The following SLC25A53 variants were observed in gnomAD, a reference collection of about 807,000 sequenced individuals.
SLC25A53 encodes mitochondrial carrier triple repeat protein 6.
In SLC25A53, 5 loss-of-function variants were observed where a neutral mutation model predicts 15.0. The ratio of observed to expected loss-of-function variants is 0.33; its 90% CI spans 0.17 to 0.70. The LOEUF (loss-of-function observed/expected upper bound fraction) is 0.70. Among genes scored for constraint, SLC25A53 ranks in the 30% least tolerant of loss-of-function variants. The pLI, the probability that SLC25A53 is intolerant of heterozygous loss-of-function variation, is 0.67. For synonymous variants in SLC25A53, 95 were observed against 100.0 expected, an observed-to-expected ratio of 0.95 and a Z score of 0.30; for missense variants, 216 against 241.6, an observed-to-expected ratio of 0.89 and a Z score of 0.70.
chrX:104,129,651 C>T (rs2075420074), intron 1 of SLC25A53, among the ~76,000 whole-genome samples: 1 of 110,187 alleles, frequency 9.1e-6, no homozygotes, highest in Admixed American at 9.8e-5. Flanking sequence ...CTATTGAAAG[C>T]ACTGCAAGTA....
At position 104,113,765 on chromosome X, in the gene SLC25A53, G is replaced by T. The variant is rs2075361507; in HGVS notation, c.-31-8477C>A. On this transcript the variant is annotated intron_variant, in intron 1 of 1. Coordinates refer to ENST00000594199, the MANE Select transcript of SLC25A53 (RefSeq NM_001012755.5). Reference sequence around the variant, plus strand: ...GAAGCAACAGTTGTCGCCCCTCCTGGAGTACAGGCAGGAGGGGATGGATGT... The same window carrying T: ...GAAGCAACAGTTGTCGCCCCTCCTGTAGTACAGGCAGGAGGGGATGGATGT... The T allele has an allele frequency of 3.0e-5, 6 of 199,967 alleles. No homozygotes were observed. In the South Asian group the frequency reaches 6.8e-4, roughly 23 times the overall value. 16.5% of individuals were successfully genotyped at this position (199,967 alleles called of 1,213,427 possible). A position where few individuals can be genotyped will look rare whatever the true frequency, so the allele number is the denominator to read the frequency against.
chrX:104,114,659 A>C lies in SLC25A53; in HGVS notation c.-31-9371T>G, dbSNP rs374508605. 11 of 1,210,471 alleles carry C rather than the reference A, an allele frequency of 9.1e-6. No homozygotes were observed. In the African/African-American group the frequency reaches 1.6e-4, roughly 17 times the overall value. ...TTGCAACAGCTTCTTTTAGGCGCTG[A>C]GCTGAATAGGGACCTGCGCTTCAGG... On this transcript the variant is annotated intron_variant, in intron 1 of 1. Coordinates refer to ENST00000594199, the MANE Select transcript of SLC25A53 (RefSeq NM_001012755.5).
At chrX:104,148,639 C>T (rs2075476181) in intron 1 of SLC25A53, among the ~76,000 whole-genome samples, 1 of 109,688 alleles carries the variant, frequency 9.1e-6, no homozygotes, top group Non-Finnish European at 1.9e-5. Context: ...ACATTGAGAA[C>T]ACTTGGACAC....
At chrX:104,134,951 T>C (rs2075433138) in intron 1 of SLC25A53, among the ~76,000 whole-genome samples, 1 of 111,076 alleles carries the variant, frequency 9.0e-6, no homozygotes, top group Non-Finnish European at 1.9e-5. Context: ...CCGAATGGAC[T>C]TTCTGGGCTC....
At chrX:104,151,907 GA>G (rs1161191109) in intron 1 of SLC25A53, among the ~76,000 whole-genome samples, 2 of 112,095 alleles carry the variant, frequency 1.8e-5, no homozygotes, top group Non-Finnish European at 3.8e-5. Flanking sequence ...GATTTAGACA[GA>G]TGAGGACTAC....
Position 104,104,476 on chromosome X carries a change from G to A in SLC25A53, c.782C>T (p.Thr261Ile). ...LWASAQDVWN[T>I]RGRKLLLIYR... ...GATCAGGAGCAGCTTTCGGCCCCGA[G>A]TGTTCCATACATCCTGGGCAGAGGC... is the stretch of plus-strand genomic sequence containing the variant. The change falls in exon 2 of 2, where the codon ACT becomes ATT. Residue 261 changes from threonine to isoleucine, a missense_variant. Coordinates refer to ENST00000594199, the MANE Select transcript of SLC25A53 (RefSeq NM_001012755.5). 8.2e-7 allele frequency: 1 copy of A among 1,212,141 alleles called. No individual in the cohort carries two copies. The highest frequency in any genetic ancestry group is 1.8e-5 in the South Asian group (1 of 57,023).
At chrX:104,111,093 G>A (rs141811592) in intron 1 of SLC25A53, among the ~76,000 whole-genome samples, 260 of 112,339 alleles carry the variant, frequency 2.3e-3, no homozygotes, top group East Asian at 0.018. Flanking sequence ...TACACTGATG[G>A]CAGGCCCATT....
At chrX:104,110,430 T>G (rs782217315) in intron 1 of SLC25A53, among the ~76,000 whole-genome samples, 3 of 111,567 alleles carry the variant, frequency 2.7e-5, no homozygotes, top group African/African-American at 9.8e-5. Flanking sequence ...CTCCAAATTT[T>G]TATTGTTTAC....
intron 1 of SLC25A53, among the ~76,000 whole-genome samples, chrX:104,152,892 T>C (rs1206787318): frequency 8.9e-6 from 1 of 111,981 alleles, no homozygotes; most frequent in Non-Finnish European, 1.9e-5. Flanking sequence ...TCATTTATTT[T>C]GTTTTGTAAC....
At chrX:104,133,325 A>G (rs1162479770) in intron 1 of SLC25A53, among the ~76,000 whole-genome samples, 2 of 111,750 alleles carry the variant, frequency 1.8e-5, no homozygotes, top group Admixed American at 1.9e-4. Flanking sequence ...CAGCTATTAT[A>G]ATGATTCCCA....
chrX:104,140,123 T>A (rs1163921062), intron 1 of SLC25A53, among the ~76,000 whole-genome samples: 1 of 111,097 alleles, frequency 9.0e-6, no homozygotes, highest in Non-Finnish European at 1.9e-5. Context: ...CTCCCCTCCT[T>A]ATTTATTTAT....
At position 104,115,096 on chromosome X, in the gene SLC25A53, T is replaced by C. The variant is rs781818929; in HGVS notation, c.-31-9808A>G. 36 of 1,198,716 alleles carry C rather than the reference T, an allele frequency of 3.0e-5. No individual in the cohort carries two copies. Among genetic ancestry groups the C allele is most frequent in the Non-Finnish European group, 3.9e-5 (35 of 889,279 alleles). ...TCTTTCTACCAGTGGTGGTTCTGGGTATAAGAATGATGGTCCTGGGAATAT... is the reference window on the plus strand; with the variant it reads ...TCTTTCTACCAGTGGTGGTTCTGGGCATAAGAATGATGGTCCTGGGAATAT... On this transcript the variant is annotated intron_variant, in intron 1 of 1. Transcript: ENST00000594199.
chrX:104,105,267 A>G lies in SLC25A53; in HGVS notation c.-10T>C, dbSNP rs1556355604. 1 of 1,184,958 alleles carries G rather than the reference A, an allele frequency of 8.4e-7. No homozygotes were observed. The highest frequency in any genetic ancestry group is 3.0e-5 in the East Asian group (1 of 33,618). ...GGTTCTGCTCCCCCATGCTGAAGAC[A>G]ACTGGGTGCAGATGGAAGAAACTGG... On this transcript the variant is annotated 5_prime_UTR_variant, in exon 2 of 2. Coordinates refer to ENST00000594199, the MANE Select transcript of SLC25A53 (RefSeq NM_001012755.5).
At chrX:104,122,065 C>T (rs2075396186) in intron 1 of SLC25A53, among the ~76,000 whole-genome samples, 1 of 102,953 alleles carries the variant, frequency 9.7e-6, no homozygotes, top group African/African-American at 3.6e-5. Context: ...AACCATCATC[C>T]CTGGCCTGAT....
At position 104,142,388 on chromosome X, in the gene SLC25A53, A is replaced by G. The variant is rs2075453137; in HGVS notation, c.-32+14490T>C. The stretch of plus-strand genomic sequence containing the variant: ...CTCTGATAACTAAGTACTATTACCA[A>G]GGAAGATTGAACAGCTAAACGTCTT... On this transcript the variant is annotated intron_variant, in intron 1 of 1. Coordinates refer to ENST00000594199, the MANE Select transcript of SLC25A53 (RefSeq NM_001012755.5). Among the ~76,000 whole-genome samples, 5 of 112,501 alleles carry G rather than the reference A, an allele frequency of 4.4e-5. No homozygotes were observed. In the South Asian group the frequency reaches 1.8e-3, roughly 41 times the overall value.
intron 1 of SLC25A53, among the ~76,000 whole-genome samples, chrX:104,125,311 T>C (rs182771213): frequency 5.4e-5 from 6 of 111,819 alleles, no homozygotes; most frequent in Admixed American, 9.5e-5. Flanking sequence ...GTGGTTCTGA[T>C]ACTCTCTTTC....
chrX:104,134,547 C>A (rs1556366078), intron 1 of SLC25A53, among the ~76,000 whole-genome samples: 1 of 111,544 alleles, frequency 9.0e-6, no homozygotes, highest in African/African-American at 3.3e-5. Context: ...TAGTTCTGTT[C>A]AGCATATTAC....
intron 1 of SLC25A53, among the ~76,000 whole-genome samples, chrX:104,133,721 G>A (rs1295923771): frequency 2.7e-5 from 3 of 111,023 alleles, no homozygotes; most frequent in Non-Finnish European, 5.7e-5. Flanking sequence ...CAATTTACCC[G>A]AAGTTTCACA....
chrX:104,137,481 C>T (rs191930051), intron 1 of SLC25A53, among the ~76,000 whole-genome samples: 2 of 111,142 alleles, frequency 1.8e-5, no homozygotes, highest in Non-Finnish European at 1.9e-5. Flanking sequence ...CAAACATAAA[C>T]CTGAAAAAGC....
Sources: allele counts gnomAD v4.1 joint callset (sites outside exome capture counted in the v4.1 genomes callset), GRCh38; gene constraint gnomAD v4.1.1; transcripts MANE v1.5; gene names NCBI Gene and HGNC (gene_info 2026-07-23, HGNC 2026-07-21).